The following OR2L13 variants were observed in gnomAD, a reference collection of about 807,000 sequenced individuals.
The protein encoded by OR2L13 is olfactory receptor 2L13.
OR2L13 carries 14 observed loss-of-function variants against 15.3 expected under a neutral mutation model. The observed-to-expected ratio is 0.91, with a 90% CI of 0.60 to 1.43. The LOEUF is 1.43. Ranked by LOEUF, OR2L13 falls within the 40% of genes most tolerant of loss-of-function variation. The pLI, the probability that OR2L13 is intolerant of heterozygous loss-of-function variation, is 0.00. For synonymous variants in OR2L13, 152 were observed against 142.9 expected (o/e 1.06, Z -0.45); for missense variants, 367 against 387.9 (o/e 0.95, Z 0.45).
chr1:247,967,195 A>ATTTC, the OR2L13 span, among the ~76,000 whole-genome samples: 2 of 151,492 alleles, frequency 1.3e-5, no homozygotes, highest in Admixed American at 1.3e-4. Context: ...TCATCCATTC[A>ATTTC]TTTCTTTCTT....
the OR2L13 span, among the ~76,000 whole-genome samples, chr1:248,056,776 T>C: frequency 3.3e-5 from 5 of 150,956 alleles, no homozygotes; most frequent in African/African-American, 1.2e-4. Flanking sequence ...GCCTCTTGAG[T>C]AGCTGGGACT....
the OR2L13 span, among the ~76,000 whole-genome samples, chr1:248,089,235 T>C: frequency 2.0e-5 from 3 of 152,082 alleles, no homozygotes; most frequent in Non-Finnish European, 4.4e-5. Flanking sequence ...AAGAATCAAA[T>C]GAAGAGGTAC....
chr1:248,052,572 CA>C, the OR2L13 span, among the ~76,000 whole-genome samples: 2 of 150,814 alleles, frequency 1.3e-5, no homozygotes, highest in Non-Finnish European at 3.0e-5. Flanking sequence ...ACTAAAAATA[CA>C]AAAAAAAATT....
At chr1:248,019,237 T>C in the OR2L13 span, among the ~76,000 whole-genome samples, 1 of 152,198 alleles carries the variant, frequency 6.6e-6, no homozygotes, top group Non-Finnish European at 1.5e-5. Flanking sequence ...ATTTTGATGA[T>C]TTTTTGACTT....
chr1:248,030,944 C>G, the OR2L13 span, among the ~76,000 whole-genome samples: 1 of 152,122 alleles, frequency 6.6e-6, no homozygotes, highest in Non-Finnish European at 1.5e-5. Flanking sequence ...AGAAATTTTT[C>G]TGCTCTCTTT....
the OR2L13 span, among the ~76,000 whole-genome samples, chr1:248,070,493 A>T: frequency 9.2e-5 from 14 of 152,270 alleles, no homozygotes; most frequent in African/African-American, 2.9e-4. Flanking sequence ...GAGGGAAATT[A>T]ATAGCACTAA....
At chr1:247,962,723 G>A in the OR2L13 span, among the ~76,000 whole-genome samples, 2 of 152,036 alleles carry the variant, frequency 1.3e-5, no homozygotes, top group Non-Finnish European at 2.9e-5. Flanking sequence ...ATCTTCCCAG[G>A]TAGTTTTAAT....
chr1:248,066,067 T>C, the OR2L13 span, among the ~76,000 whole-genome samples: 2 of 152,200 alleles, frequency 1.3e-5, no homozygotes, highest in African/African-American at 2.4e-5. Context: ...TCACTATCTT[T>C]ACACCCCCAT....
At chr1:248,000,963 T>C in the OR2L13 span, among the ~76,000 whole-genome samples, 7 of 152,120 alleles carry the variant, frequency 4.6e-5, no homozygotes, top group Admixed American at 6.6e-5. Context: ...TTTTGGGTGA[T>C]TAAAAAGTGA....
the OR2L13 span, chr1:248,022,715 T>C: frequency 1.2e-6 from 2 of 1,614,208 alleles, no homozygotes; most frequent in Non-Finnish European, 1.7e-6. Context: ...CCTTTGCTTA[T>C]ACCTATCTAT....
At chr1:248,009,866 G>A in the OR2L13 span, among the ~76,000 whole-genome samples, 1 of 152,050 alleles carries the variant, frequency 6.6e-6, no homozygotes. Context: ...TTCAACATAA[G>A]CAAATCAATA....
At chr1:248,064,553 C>T in the OR2L13 span, among the ~76,000 whole-genome samples, 1 of 152,142 alleles carries the variant, frequency 6.6e-6, no homozygotes, top group Non-Finnish European at 1.5e-5. Flanking sequence ...GTTGTTATTA[C>T]TGGAAAAAGC....
At chr1:248,084,451 C>A in the OR2L13 span, 1 of 1,605,088 alleles carries the variant, frequency 6.2e-7, no homozygotes. Context: ...CGGCCGGTCC[C>A]GGTGAATCAG....
the OR2L13 span, among the ~76,000 whole-genome samples, chr1:248,066,454 A>G: frequency 2.6e-5 from 4 of 152,178 alleles, no homozygotes; most frequent in African/African-American, 9.7e-5. Context: ...AAATCTGGAG[A>G]AAAAATAGGC....
chr1:248,067,385 G>C, the OR2L13 span, among the ~76,000 whole-genome samples: 1 of 152,148 alleles, frequency 6.6e-6, no homozygotes, highest in Non-Finnish European at 1.5e-5. Flanking sequence ...TTCCTAGATA[G>C]TTGCATGTTT....
the OR2L13 span, among the ~76,000 whole-genome samples, chr1:247,978,125 C>G: frequency 1.3e-5 from 2 of 152,256 alleles, no homozygotes; most frequent in Admixed American, 1.3e-4. Context: ...AAAAATGCAC[C>G]AATCTTGCTG....
chr1:247,975,415 G>T, the OR2L13 span: 2 of 688,108 alleles, frequency 2.9e-6, no homozygotes, highest in Non-Finnish European at 5.5e-6. Context: ...ATCTGCAGAA[G>T]GGAGGAAGAA....
At chr1:248,083,623 T>G in the OR2L13 span, 1 of 1,378,274 alleles carries the variant, frequency 7.3e-7, no homozygotes, top group East Asian at 2.3e-5. Context: ...TAGAGTCATT[T>G]GACACTAGAT....
At chr1:248,026,692 C>G in the OR2L13 span, among the ~76,000 whole-genome samples, 1 of 152,152 alleles carries the variant, frequency 6.6e-6, no homozygotes. Flanking sequence ...CAAATTAATA[C>G]TTTTATAATT....
Sources: gnomAD v4.1 joint callset for allele counts (sites outside exome capture counted in the v4.1 genomes callset) on GRCh38, gnomAD v4.1.1 for gene constraint, MANE v1.5 for transcripts, NCBI Gene and HGNC (gene_info 2026-07-23, HGNC 2026-07-21) for gene names.